Variants in NLGN1 observed in about 807,000 individuals in gnomAD.
NLGN1 encodes neuroligin-1.
NLGN1 carries 12 observed loss-of-function variants against 65.5 expected under a neutral mutation model. The observed-to-expected ratio is 0.18, with a 90% CI of 0.12 to 0.30. The LOEUF (loss-of-function observed/expected upper bound fraction) is 0.30, where lower values mean the gene tolerates loss of function less well. Ranked by LOEUF, NLGN1 falls within the 10% of genes least tolerant of loss-of-function variation. The pLI is 1.00. For synonymous variants in NLGN1, 350 were observed against 359.5 expected, an observed-to-expected ratio of 0.97 and a Z score of 0.30; for missense variants, 750 against 1,007.1, an observed-to-expected ratio of 0.74 and a Z score of 3.46.
At chr3:173,414,175 C>G (rs112809470) in intron 1 of NLGN1, among the ~76,000 whole-genome samples, 7,243 of 152,206 alleles carry the variant, frequency 0.048, 566 homozygotes, top group African/African-American at 0.17. Flanking sequence ...CTTGTTATTT[C>G]AAGCTATGTC....
intron 2 of NLGN1, among the ~76,000 whole-genome samples, chr3:173,453,641 T>C (rs1318458703): frequency 1.3e-5 from 2 of 152,216 alleles, no homozygotes; most frequent in African/African-American, 2.4e-5. Flanking sequence ...TCTTCACTTA[T>C]CCATAAGAAG....
chr3:173,483,041 C>A (rs1727558737), intron 2 of NLGN1, among the ~76,000 whole-genome samples: 1 of 151,988 alleles, frequency 6.6e-6, no homozygotes, highest in South Asian at 2.1e-4. Context: ...TATATCCAGT[C>A]TTTTAAGCCT....
intron 2 of NLGN1, among the ~76,000 whole-genome samples, chr3:173,437,279 T>C (rs570866): frequency 0.92 from 139,563 of 152,204 alleles, 64,088 homozygotes; most frequent in East Asian, 0.96. Flanking sequence ...TGTCTGTCAC[T>C]GCCAATACCA....
intron 3 of NLGN1, among the ~76,000 whole-genome samples, chr3:173,654,242 C>A (rs1284065745): frequency 3.3e-5 from 5 of 152,256 alleles, no homozygotes; most frequent in African/African-American, 9.6e-5. Context: ...TTTATACCTT[C>A]ATTTTTCTAC....
intron 1 of NLGN1, among the ~76,000 whole-genome samples, chr3:173,404,531 G>A (rs1670510890): frequency 6.6e-6 from 1 of 152,154 alleles, no homozygotes; most frequent in Admixed American, 6.5e-5. Context: ...TTAGGGTCAG[G>A]AACAGATGCT....
Position 173,509,295 on chromosome 3 carries a change from G to T in NLGN1, c.-321+74217G>T, listed in dbSNP as rs576795377. Among the ~76,000 whole-genome samples, 24 of 152,132 alleles carry T rather than the reference G, an allele frequency of 1.6e-4. No individual in the cohort carries two copies. The South Asian group carries it at 3.1e-3, about 20-fold the overall frequency. On this transcript the variant is annotated intron_variant, in intron 2 of 6. Coordinates refer to ENST00000457714, the Ensembl canonical transcript of NLGN1. ...TTTTTAACATTTAGATATTTTTAAG[G>T]ATTTTTAAACTATTTTCATCCCATT...
At chr3:174,238,472 C>T (rs1481766499) in intron 4 of NLGN1, among the ~76,000 whole-genome samples, 5 of 152,054 alleles carry the variant, frequency 3.3e-5, no homozygotes, top group South Asian at 2.1e-4. Context: ...AAGCAAGTCT[C>T]CTGCCTCAGC....
intron 3 of NLGN1, chr3:173,644,330 G>A (rs1208741098): frequency 1.9e-5 from 3 of 157,488 alleles, no homozygotes; most frequent in South Asian, 2.0e-4. Context: ...AGTCCATGAT[G>A]AACTTGAACT....
intron 4 of NLGN1, among the ~76,000 whole-genome samples, chr3:174,155,943 T>A (rs1394331148): frequency 6.6e-6 from 1 of 151,984 alleles, no homozygotes; most frequent in Non-Finnish European, 1.5e-5. Context: ...TGTCTTCATT[T>A]ATAATCTAGC....
At chr3:173,753,163 T>C (rs1776552750) in intron 3 of NLGN1, among the ~76,000 whole-genome samples, 1 of 152,120 alleles carries the variant, frequency 6.6e-6, no homozygotes, top group African/African-American at 2.4e-5. Context: ...CATTGCCTTA[T>C]TCATTTCATC....
chr3:173,734,634 C>T (rs1384492526), intron 3 of NLGN1, among the ~76,000 whole-genome samples: 1 of 151,698 alleles, frequency 6.6e-6, no homozygotes, highest in African/African-American at 2.4e-5. Flanking sequence ...AACTCCTGGC[C>T]TCAAGCAAAT....
At chr3:173,466,874 C>T (rs1175203280) in intron 2 of NLGN1, among the ~76,000 whole-genome samples, 1 of 152,100 alleles carries the variant, frequency 6.6e-6, no homozygotes, top group South Asian at 2.1e-4. Flanking sequence ...CCTAATAAAA[C>T]TTACAGATTC....
intron 4 of NLGN1, among the ~76,000 whole-genome samples, chr3:174,093,888 C>A (rs948431108): frequency 6.6e-6 from 1 of 152,076 alleles, no homozygotes; most frequent in Non-Finnish European, 1.5e-5. Flanking sequence ...CCTTTTTTTC[C>A]CTCTCTAATG....
At chr3:173,864,956 G>C (rs1354063179) in intron 4 of NLGN1, among the ~76,000 whole-genome samples, 1 of 152,124 alleles carries the variant, frequency 6.6e-6, no homozygotes, top group Non-Finnish European at 1.5e-5. Flanking sequence ...ATGATTCCTT[G>C]CCATCAATTT....
chr3:174,021,151 A>G (rs547481698), intron 4 of NLGN1, among the ~76,000 whole-genome samples: 97 of 151,986 alleles, frequency 6.4e-4, no homozygotes, highest in African/African-American at 2.2e-3. Context: ...TGGTAAAGAT[A>G]AGAAACTTAA....
At chr3:173,599,212 T>C (rs1750027350) in intron 2 of NLGN1, among the ~76,000 whole-genome samples, 1 of 152,170 alleles carries the variant, frequency 6.6e-6, no homozygotes, top group Non-Finnish European at 1.5e-5. Context: ...ACTATGTGAG[T>C]TAATTACACA....
intron 4 of NLGN1, among the ~76,000 whole-genome samples, chr3:174,016,976 A>G (rs764426832): frequency 6.6e-6 from 1 of 152,146 alleles, no homozygotes; most frequent in Non-Finnish European, 1.5e-5. Flanking sequence ...TGCATGGCCT[A>G]TTTTAGTGTG....
At chr3:174,010,445 A>G (rs1725300347) in intron 4 of NLGN1, among the ~76,000 whole-genome samples, 1 of 152,198 alleles carries the variant, frequency 6.6e-6, no homozygotes, top group South Asian at 2.1e-4. Flanking sequence ...ATATACTACA[A>G]AATAATACAA....
intron 4 of NLGN1, among the ~76,000 whole-genome samples, chr3:174,103,741 T>C (rs991071740): frequency 3.3e-5 from 5 of 152,094 alleles, no homozygotes; most frequent in African/African-American, 1.2e-4. Context: ...TTCCTCACCA[T>C]CAATATTCTT....
Sources: allele counts gnomAD v4.1 joint callset (sites outside exome capture counted in the v4.1 genomes callset), GRCh38; gene constraint gnomAD v4.1.1; transcripts MANE v1.5; gene names NCBI Gene and HGNC (gene_info 2026-07-23, HGNC 2026-07-21).